Variants in MAGI2 observed in about 807,000 individuals in gnomAD.
The protein encoded by MAGI2 is membrane-associated guanylate kinase, WW and PDZ domain-containing protein 2.
A neutral mutation model predicts 133.3 loss-of-function variants in MAGI2; 35 were observed. That is an observed-to-expected ratio of 0.26 (90% CI 0.20 to 0.35). The LOEUF is 0.35. Ranked by LOEUF, MAGI2 falls within the 10% of genes least tolerant of loss-of-function variation. MAGI2 has a pLI of 1.00. For missense variants in MAGI2, 1,636 were observed against 1,863.4 expected (o/e 0.88, Z 2.25); for synonymous variants, 729 against 710.6 (o/e 1.03, Z -0.41).
chr7:78,162,907 C>T (rs952610080), intron 15 of MAGI2, among the ~76,000 whole-genome samples: 11 of 152,134 alleles, frequency 7.2e-5, no homozygotes, highest in Non-Finnish European at 1.0e-4. Flanking sequence ...CCAAGTGAGA[C>T]GGTCTTCTTT....
chr7:79,419,359 T>G (rs1312376687), intron 1 of MAGI2, among the ~76,000 whole-genome samples: 2 of 152,084 alleles, frequency 1.3e-5, no homozygotes, highest in East Asian at 3.9e-4. Context: ...CAATACTATT[T>G]TAAGAACATA....
chr7:79,147,402 A>T (rs1241414708), intron 1 of MAGI2, among the ~76,000 whole-genome samples: 1 of 152,170 alleles, frequency 6.6e-6, no homozygotes, highest in Admixed American at 6.5e-5. Flanking sequence ...CTTGGGCCGT[A>T]GTGGATCCTC....
chr7:78,907,146 G>C (rs1798053112), intron 2 of MAGI2, among the ~76,000 whole-genome samples: 1 of 152,172 alleles, frequency 6.6e-6, no homozygotes. Context: ...ACCCTGGGTA[G>C]AGAATGTTCC....
chr7:78,915,317 T>C (rs1798704578), intron 2 of MAGI2, among the ~76,000 whole-genome samples: 1 of 152,152 alleles, frequency 6.6e-6, no homozygotes, highest in African/African-American at 2.4e-5. Context: ...CTGGCAATTT[T>C]ATAGCAGTTT....
chr7:78,301,356 C>A (rs1005201483), intron 9 of MAGI2, among the ~76,000 whole-genome samples: 1 of 152,180 alleles, frequency 6.6e-6, no homozygotes, highest in African/African-American at 2.4e-5. Context: ...ACATCCCCAA[C>A]AAAATGTCTC....
intron 2 of MAGI2, among the ~76,000 whole-genome samples, chr7:78,868,846 C>T (rs1190266463): frequency 2.0e-5 from 3 of 151,974 alleles, no homozygotes; most frequent in Non-Finnish European, 2.9e-5. Flanking sequence ...CTCCGCCTCC[C>T]GGGTTCACAC....
chr7:78,464,569 A>C (rs1584260420), intron 6 of MAGI2, among the ~76,000 whole-genome samples: 1 of 152,108 alleles, frequency 6.6e-6, no homozygotes, highest in African/African-American at 2.4e-5. Flanking sequence ...AATTTAGCTC[A>C]TTTTCAAGGG....
intron 1 of MAGI2, among the ~76,000 whole-genome samples, chr7:79,318,843 A>G (rs1200987426): frequency 4.6e-5 from 7 of 152,162 alleles, no homozygotes; most frequent in African/African-American, 9.7e-5. Flanking sequence ...CATCAGTTCA[A>G]GCACACTACT....
chr7:79,157,247 C>T (rs1823865297), intron 1 of MAGI2, among the ~76,000 whole-genome samples: 3 of 152,040 alleles, frequency 2.0e-5, no homozygotes, highest in Admixed American at 1.3e-4. Flanking sequence ...AGCCAAAAGG[C>T]ACCCTTAGGT....
chr7:79,230,607 T>C (rs1418806433), intron 1 of MAGI2, among the ~76,000 whole-genome samples: 1 of 150,820 alleles, frequency 6.6e-6, no homozygotes, highest in Non-Finnish European at 1.5e-5. Context: ...GAAGTGTCTG[T>C]TCATGTCCTT....
intron 6 of MAGI2, among the ~76,000 whole-genome samples, chr7:78,371,500 C>T (rs973141122): frequency 1.3e-5 from 2 of 151,858 alleles, no homozygotes; most frequent in South Asian, 2.1e-4. Context: ...AATGCCAATG[C>T]CATATGGAAG....
At chr7:79,042,292 G>A (rs1417639535) in intron 1 of MAGI2, among the ~76,000 whole-genome samples, 1 of 152,090 alleles carries the variant, frequency 6.6e-6, no homozygotes, top group Admixed American at 6.6e-5. Context: ...ACATTTCTGT[G>A]TCTTTTTTGA....
chr7:79,098,863 C>T (rs1470543713), intron 1 of MAGI2, among the ~76,000 whole-genome samples: 1 of 152,156 alleles, frequency 6.6e-6, no homozygotes, highest in Non-Finnish European at 1.5e-5. Flanking sequence ...TTATTGTTCT[C>T]CCACAGTTAT....
intron 9 of MAGI2, among the ~76,000 whole-genome samples, chr7:78,293,929 C>T (rs1007556540): frequency 6.6e-6 from 1 of 152,014 alleles, no homozygotes. Flanking sequence ...ACACCAGGGC[C>T]TGTCATGGTG....
Position 79,315,030 on chromosome 7 carries a change from T to C in MAGI2, c.301+137990A>G, listed in dbSNP as rs373847110. 3.9e-5 allele frequency among the ~76,000 whole-genome samples: 6 copies of C among 152,294 alleles called. No individual in the cohort carries two copies. The East Asian group carries it at 9.6e-4, about 24-fold the overall frequency. On this transcript the variant is annotated intron_variant, in intron 1 of 21. Transcript: ENST00000354212. Reference sequence around the variant, plus strand: ...ATAAATCACTTATTGTTTAGGCTGGTTTGAGCTGGATTTTCTATCACATGC... The same window carrying C: ...ATAAATCACTTATTGTTTAGGCTGGCTTGAGCTGGATTTTCTATCACATGC...
chr7:78,834,931 T>G (rs1182111480), intron 2 of MAGI2, among the ~76,000 whole-genome samples: 1 of 152,142 alleles, frequency 6.6e-6, no homozygotes, highest in Non-Finnish European at 1.5e-5. Flanking sequence ...CCTTCTGGCA[T>G]GCCTGAAAGC....
intron 1 of MAGI2, among the ~76,000 whole-genome samples, chr7:79,112,032 C>T (rs1818970636): frequency 6.6e-6 from 1 of 152,012 alleles, no homozygotes; most frequent in Non-Finnish European, 1.5e-5. Context: ...AGTAGTACTC[C>T]ATGCTGTGTC....
chr7:78,327,507 C>T (rs1788707401), intron 9 of MAGI2, among the ~76,000 whole-genome samples: 1 of 152,122 alleles, frequency 6.6e-6, no homozygotes, highest in Non-Finnish European at 1.5e-5. Context: ...ACCTCTCAAA[C>T]ACAAATCCCA....
intron 3 of MAGI2, among the ~76,000 whole-genome samples, chr7:78,552,137 T>C (rs1373282884): frequency 2.0e-5 from 3 of 152,034 alleles, no homozygotes; most frequent in African/African-American, 7.2e-5. Flanking sequence ...ATAAGGTATT[T>C]TTAAATAACC....
Sources: allele counts gnomAD v4.1 joint callset (sites outside exome capture counted in the v4.1 genomes callset), GRCh38; gene constraint gnomAD v4.1.1; transcripts MANE v1.5; gene names NCBI Gene and HGNC (gene_info 2026-07-23, HGNC 2026-07-21).